Variants in CEP112 observed in about 807,000 individuals in gnomAD.
CEP112 encodes the protein centrosomal protein 112, also known as centrosomal protein of 112 kDa.
A neutral mutation model predicts 153.0 loss-of-function variants in CEP112; 127 were observed. The ratio of observed to expected loss-of-function variants is 0.83; its 90% CI spans 0.72 to 0.96. The LOEUF is 0.96. Among genes scored for constraint, CEP112 ranks in the 40% least tolerant of loss-of-function variants. CEP112 has a pLI of 0.00. For missense variants in CEP112, 1,089 were observed against 1,101.2 expected (o/e 0.99, Z 0.16); for synonymous variants, 358 against 374.4 (o/e 0.96, Z 0.51).
At chr17:65,765,243 T>C (rs990999302) in intron 21 of CEP112, among the ~76,000 whole-genome samples, 4 of 147,182 alleles carry the variant, frequency 2.7e-5, no homozygotes, top group Non-Finnish European at 5.9e-5. Flanking sequence ...CTTGTAATTT[T>C]TTTGAGTTTC....
At chr17:66,015,639 GAAGACTA>G (rs2064737488) in intron 16 of CEP112, among the ~76,000 whole-genome samples, 1 of 152,162 alleles carries the variant, frequency 6.6e-6, no homozygotes, top group Admixed American at 6.5e-5. Flanking sequence ...TTGCAAATAA[GAAGACTA>G]AAGTCATCTA....
chr17:65,894,788 T>C (rs2059603739), intron 20 of CEP112, among the ~76,000 whole-genome samples: 1 of 152,090 alleles, frequency 6.6e-6, no homozygotes. Flanking sequence ...CATTTCAAAA[T>C]GTACTCACTA....
intron 23 of CEP112, among the ~76,000 whole-genome samples, chr17:65,722,633 T>C (rs2049953540): frequency 6.6e-6 from 1 of 152,210 alleles, no homozygotes; most frequent in South Asian, 2.1e-4. Context: ...TTTCAGCTGG[T>C]ATAAAAGAAA....
chr17:65,701,904 T>TG (rs2048657241), intron 23 of CEP112, among the ~76,000 whole-genome samples: 2 of 148,354 alleles, frequency 1.3e-5, no homozygotes. Flanking sequence ...TTTTGTTTTT[T>TG]TTTTTTTTTT....
chr17:65,850,836 C>T (rs1208379677), intron 21 of CEP112, among the ~76,000 whole-genome samples: 1 of 152,190 alleles, frequency 6.6e-6, no homozygotes, highest in Non-Finnish European at 1.5e-5. Flanking sequence ...GCTGTTCTGC[C>T]AAGAAGTCAG....
chr17:65,837,896 C>T (rs944101925), intron 21 of CEP112, among the ~76,000 whole-genome samples: 2 of 152,092 alleles, frequency 1.3e-5, no homozygotes, highest in African/African-American at 2.4e-5. Flanking sequence ...GCAGCATACT[C>T]GTTAAGAGTC....
At chr17:65,857,475 C>T (rs1249829898) in intron 20 of CEP112, among the ~76,000 whole-genome samples, 4 of 152,138 alleles carry the variant, frequency 2.6e-5, no homozygotes, top group Non-Finnish European at 5.9e-5. Context: ...CTCCTGACCT[C>T]GTGATCCGCC....
At chr17:65,865,918 G>A (rs1026749611) in intron 20 of CEP112, among the ~76,000 whole-genome samples, 8 of 151,950 alleles carry the variant, frequency 5.3e-5, no homozygotes, top group Non-Finnish European at 1.2e-4. Context: ...TGGGCCCAGG[G>A]CGGTGCTGCG....
intron 23 of CEP112, 73 bp from the exon 24 acceptor site, chr17:65,689,291 G>T: frequency 9.8e-7 from 1 of 1,019,314 alleles, no homozygotes; most frequent in Non-Finnish European, 1.5e-6. Flanking sequence ...CCATGAACTG[G>T]CACTAAAAAG....
chr17:66,173,038 C>A (rs187619285), intron 4 of CEP112, among the ~76,000 whole-genome samples: 19 of 152,176 alleles, frequency 1.2e-4, no homozygotes, highest in Non-Finnish European at 2.5e-4. Context: ...GGACCACAGA[C>A]GCACAGGCTG....
chr17:66,044,419 C>T (rs111847749), intron 12 of CEP112, among the ~76,000 whole-genome samples: 1 of 151,996 alleles, frequency 6.6e-6, no homozygotes, highest in Non-Finnish European at 1.5e-5. Flanking sequence ...TCTGTACACC[C>T]ACGTACACGG....
intron 19 of CEP112, among the ~76,000 whole-genome samples, chr17:65,913,052 C>G (rs1327791830): frequency 6.6e-6 from 1 of 152,174 alleles, no homozygotes; most frequent in African/African-American, 2.4e-5. Flanking sequence ...TACTAAGAAA[C>G]AGGCAACAGG....
intron 4 of CEP112, among the ~76,000 whole-genome samples, chr17:66,170,623 C>A (rs1350807359): frequency 6.6e-6 from 1 of 152,042 alleles, no homozygotes; most frequent in East Asian, 1.9e-4. Flanking sequence ...ATTAGCCAGG[C>A]ATGGTGGTAC....
At chr17:65,853,996 T>C (rs2058049410) in intron 20 of CEP112, among the ~76,000 whole-genome samples, 1 of 152,232 alleles carries the variant, frequency 6.6e-6, no homozygotes, top group Non-Finnish European at 1.5e-5. Context: ...TTCAGTGCTA[T>C]ATCCTATACA....
intron 6 of CEP112, among the ~76,000 whole-genome samples, chr17:66,113,208 T>C (rs942651798): frequency 6.6e-6 from 1 of 152,232 alleles, no homozygotes; most frequent in Non-Finnish European, 1.5e-5. Context: ...GCTGAAGGTA[T>C]AAATATGCAT....
At chr17:65,951,628 A>G (rs565921770) in intron 18 of CEP112, among the ~76,000 whole-genome samples, 3 of 152,206 alleles carry the variant, frequency 2.0e-5, no homozygotes, top group East Asian at 1.9e-4. Context: ...TGGTTTGTCA[A>G]TCATGCTAAA....
rs71158401 is a variant in CEP112, at chr17:65,660,177, CTCCTTCCTTCCT to C, written c.2698-19124_2698-19113del. ...ATTGGAGACTAATATACCTTGATTT[CTCCTTCCTTCCT>C]TCCTTCCTTCCTTCCTTCTTTCCTT... On this transcript the variant is annotated intron_variant, in intron 24 of 26. Transcript: ENST00000535342. 4.7e-4 allele frequency among the ~76,000 whole-genome samples: 66 copies of C among 139,486 alleles called. 1 individual carries two copies. The South Asian group carries it at 0.014, about 30-fold the overall frequency. 91.5% of individuals were successfully genotyped at this position (139,486 alleles called of 152,430 possible).
intron 21 of CEP112, among the ~76,000 whole-genome samples, chr17:65,841,052 G>A (rs2057498162): frequency 6.6e-6 from 1 of 152,056 alleles, no homozygotes; most frequent in African/African-American, 2.4e-5. Flanking sequence ...TTGTTAGTGA[G>A]AATGCAAATT....
At chr17:65,637,314 A>G in intron 25 of CEP112, 126 bp from the exon 26 acceptor site, 1 of 698,762 alleles carries the variant, frequency 1.4e-6, no homozygotes, top group Non-Finnish European at 2.6e-6. Flanking sequence ...GATTTGTTGA[A>G]TGTCAATGTT....
Sources: gnomAD v4.1 joint callset for allele counts (sites outside exome capture counted in the v4.1 genomes callset) on GRCh38, gnomAD v4.1.1 for gene constraint, MANE v1.5 for transcripts, NCBI Gene and HGNC (gene_info 2026-07-23, HGNC 2026-07-21) for gene names.